The following NUP214 variants were observed in gnomAD, a reference collection of about 807,000 sequenced individuals.
NUP214 encodes the protein nucleoporin 214, also known as nuclear pore complex protein Nup214.
NUP214 carries 79 observed loss-of-function variants against 196.2 expected under a neutral mutation model. The observed-to-expected ratio is 0.40, with a 90% confidence interval of 0.34 to 0.49. The LOEUF is 0.49. NUP214 is among the 20% of genes least tolerant of loss of function. The probability of loss-of-function intolerance (pLI) is 0.58; values close to 1 mark genes in which losing one functional copy is unlikely to be tolerated. For synonymous variants in NUP214, 1,020 were observed against 990.5 expected, an observed-to-expected ratio of 1.03 and a Z score of -0.56; for missense variants, 2,468 against 2,539.0, an observed-to-expected ratio of 0.97 and a Z score of 0.60.
chr9:131,188,669 T>G (rs534099637), intron 25 of NUP214, among the ~76,000 whole-genome samples: 1 of 152,252 alleles, frequency 6.6e-6, no homozygotes, highest in Non-Finnish European at 1.5e-5. Flanking sequence ...CAGTTTTGCT[T>G]TTAACCTTAT....
intron 24 of NUP214, chr9:131,187,016 T>A: frequency 2.6e-6 from 1 of 387,636 alleles, no homozygotes; most frequent in East Asian, 4.8e-5. Context: ...AGCAAAAAGA[T>A]CTAGTTCTGA....
At chr9:131,226,824 G>GT (rs1161647435) in intron 32 of NUP214, among the ~76,000 whole-genome samples, 1 of 152,196 alleles carries the variant, frequency 6.6e-6, no homozygotes, top group Admixed American at 6.5e-5. Context: ...TTAACTGAGG[G>GT]ATTCAGCTGA....
At position 131,144,263 on chromosome 9, in the gene NUP214, T is replaced by C. The variant is rs760563304; in HGVS notation, c.1295-17T>C. The C allele has an allele frequency of 1.4e-5, 22 of 1,583,974 alleles. No individual in the cohort carries two copies. Among genetic ancestry groups the C allele is most frequent in the Non-Finnish European group, 1.8e-5 (21 of 1,156,226 alleles). On this transcript the variant is annotated splice_polypyrimidine_tract_variant and intron_variant, in intron 11 of 35. Coordinates refer to ENST00000359428, the MANE Select transcript of NUP214 (RefSeq NM_005085.4). ...GTTACAGTGTTAACATTTTCCTTCC[T>C]TTTTTTGTCACTGCAGGAAGTACTC... is the stretch of plus-strand genomic sequence containing the variant.
Position 131,198,185 on chromosome 9 carries a change from C to T in NUP214, c.4691C>T (p.Ser1564Phe), listed in dbSNP as rs1833846290. Residue 1564 changes from serine (S) to phenylalanine (F), a missense_variant, in exon 29 of 36, where the codon TCT (serine) becomes TTT (phenylalanine). By Grantham distance (155) the Ser-to-Phe change is radical. Transcript: ENST00000359428. ...AASSTSLVAL[S>F]AEATPATTGV... ...TCTAGTACTAGTCTTGTAGCACTTTCTGCAGAGGCTACCCCAGCCACCACG... is the reference window on the plus strand; with the variant it reads ...TCTAGTACTAGTCTTGTAGCACTTTTTGCAGAGGCTACCCCAGCCACCACG... The T allele has an allele frequency of 1.2e-6, 2 of 1,614,240 alleles. No individual in the cohort carries two copies. The highest frequency in any genetic ancestry group is 8.5e-7 in the Non-Finnish European group (1 of 1,180,044).
At chr9:131,154,944 G>A (rs1045980465) in intron 17 of NUP214, among the ~76,000 whole-genome samples, 2 of 152,234 alleles carry the variant, frequency 1.3e-5, no homozygotes, top group African/African-American at 4.8e-5. Context: ...GAATTGTGCT[G>A]CTGTAAACAT....
chr9:131,140,585 T>C lies in NUP214; in HGVS notation c.1169T>C (p.Met390Thr), dbSNP rs1469401712. The C allele has an allele frequency of 1.9e-6, 3 of 1,613,822 alleles. No individual in the cohort carries two copies. Among genetic ancestry groups the C allele is most frequent in the Admixed American group, 1.7e-5 (1 of 59,932 alleles). The change falls in exon 11 of 36, where the codon ATG becomes ACG. Residue 390 changes from methionine (M) to threonine (T), a missense_variant. Physicochemically the swap from Met to Thr is moderately conservative, Grantham distance 81 (BLOSUM62 -1). Transcript: ENST00000359428. Reference sequence around the variant, plus strand: ...ACTCTTCCTCCTGCTCCAGTTCTCATGTTACTTTCAACAGATGGTGTGCTT... The same window carrying C: ...ACTCTTCCTCCTGCTCCAGTTCTCACGTTACTTTCAACAGATGGTGTGCTT... ...EKTLPPAPVL[M>T]LLSTDGVLCP...
At chr9:131,179,567 A>G (rs1411126243) in intron 24 of NUP214, among the ~76,000 whole-genome samples, 2 of 152,198 alleles carry the variant, frequency 1.3e-5, no homozygotes, top group Non-Finnish European at 2.9e-5. Flanking sequence ...TCTAGCAGCA[A>G]GAAGGGCAGC....
At chr9:131,151,949 A>G (rs2133518933) in intron 17 of NUP214, 55 bp downstream of exon 17, 1 of 1,387,622 alleles carries the variant, frequency 7.2e-7, no homozygotes, top group Non-Finnish European at 9.7e-7. Flanking sequence ...TCATGTAACA[A>G]TTGCTACCTC....
Position 131,136,020 on chromosome 9 carries a change from T to C in NUP214, c.1005+14T>C. On this transcript the variant is annotated intron_variant, in intron 9 of 35. Transcript: ENST00000359428. ...CAAAGTGATCAGGTAAATCTCTTTTTTGTCACTTCTGTGGTGCTTTCTTTT... is the reference window on the plus strand; with the variant it reads ...CAAAGTGATCAGGTAAATCTCTTTTCTGTCACTTCTGTGGTGCTTTCTTTT... 6.2e-7 allele frequency: 1 copy of C among 1,601,140 alleles called. No homozygotes were observed. The highest frequency in any genetic ancestry group is 8.6e-7 in the Non-Finnish European group (1 of 1,168,482).
At chr9:131,162,541 TC>T (rs1157699971) in intron 18 of NUP214, among the ~76,000 whole-genome samples, 1 of 152,108 alleles carries the variant, frequency 6.6e-6, no homozygotes, top group East Asian at 1.9e-4. Context: ...TCTTATGCTG[TC>T]CCCCTATTTC....
At chr9:131,196,450 C>T (rs149853588) in intron 28 of NUP214, among the ~76,000 whole-genome samples, 42 of 152,282 alleles carry the variant, frequency 2.8e-4, no homozygotes, top group African/African-American at 1.0e-3. Flanking sequence ...TGTGAGCCAC[C>T]ACGCCCGGCC....
At chr9:131,136,772 T>C (rs1040930451) in intron 9 of NUP214, 4 of 152,356 alleles carry the variant, frequency 2.6e-5, no homozygotes, top group Middle Eastern at 3.4e-3. Flanking sequence ...AGGGACACAG[T>C]GGGCCCAGGT....
chr9:131,227,999 G>GGGGGGGGGGGGGA (rs1554743215), intron 32 of NUP214, among the ~76,000 whole-genome samples, 161 bp from the exon 33 acceptor site: 12 of 133,272 alleles, frequency 9.0e-5, no homozygotes, highest in Non-Finnish European at 1.1e-4. Flanking sequence ...GGGGAGGGGG[G>GGGGGGGGGGGGGA]GTGTTGCCCT....
chr9:131,152,492 T>C (rs1832302481), intron 17 of NUP214, among the ~76,000 whole-genome samples: 1 of 151,094 alleles, frequency 6.6e-6, no homozygotes, highest in African/African-American at 2.4e-5. Flanking sequence ...ATAATAATTA[T>C]AAATAAATAA....
At chr9:131,127,982 G>A (rs1266153542) in intron 2 of NUP214, among the ~76,000 whole-genome samples, 3 of 152,150 alleles carry the variant, frequency 2.0e-5, no homozygotes, top group African/African-American at 7.2e-5. Flanking sequence ...TTGAACTTGG[G>A]CTCTGGCTCT....
At chr9:131,201,916 A>G (rs189965063) in intron 30 of NUP214, among the ~76,000 whole-genome samples, 199 bp downstream of exon 30, 15 of 152,288 alleles carry the variant, frequency 9.8e-5, no homozygotes, top group Admixed American at 2.6e-4. Context: ...TAGAATTTTG[A>G]TCCTCCTTCC....
chr9:131,154,030 C>T (rs1488976466), intron 17 of NUP214, among the ~76,000 whole-genome samples: 1 of 152,138 alleles, frequency 6.6e-6, no homozygotes, highest in Non-Finnish European at 1.5e-5. Context: ...GAGGGCATTC[C>T]AAAGAAACAG....
intron 30 of NUP214, among the ~76,000 whole-genome samples, chr9:131,204,047 C>T (rs575937603): frequency 1.3e-5 from 2 of 152,294 alleles, no homozygotes; most frequent in African/African-American, 4.8e-5. Context: ...AGCGCAGGCC[C>T]ACCCTGAAGG....
At chr9:131,154,206 C>G (rs1832362275) in intron 17 of NUP214, among the ~76,000 whole-genome samples, 1 of 152,066 alleles carries the variant, frequency 6.6e-6, no homozygotes, top group Non-Finnish European at 1.5e-5. Context: ...AGACCCTTAT[C>G]CACAAAATAA....
Sources: gnomAD v4.1 joint callset for allele counts (sites outside exome capture counted in the v4.1 genomes callset) on GRCh38, gnomAD v4.1.1 for gene constraint, MANE v1.5 for transcripts, NCBI Gene and HGNC (gene_info 2026-07-23, HGNC 2026-07-21) for gene names.